MALRD1: variants seen among roughly 807,000 people sequenced by gnomAD.
MALRD1 encodes the protein MAM and LDL receptor class A domain containing 1.
Under a neutral mutation model 242.1 loss-of-function variants are expected in MALRD1, and 247 were observed. The ratio of observed to expected loss-of-function variants is 1.02; its 90% CI spans 0.92 to 1.13. The LOEUF (loss-of-function observed/expected upper bound fraction) is 1.13. MALRD1 is among the 50% of genes most tolerant of loss of function. MALRD1 has a pLI of 0.00. For synonymous variants in MALRD1, 995 were observed against 866.6 expected (o/e 1.15, Z -2.60); for missense variants, 2,989 against 2,533.1 (o/e 1.18, Z -3.86).
Position 19,209,377 on chromosome 10 carries a change from A to T in MALRD1, c.2688A>T (p.Thr896=), listed in dbSNP as rs1173484607. 1 of 1,550,900 alleles carries T rather than the reference A, an allele frequency of 6.4e-7. No individual in the cohort carries two copies. The highest frequency in any genetic ancestry group is 1.4e-5 in the African/African-American group (1 of 73,048). Residue 896 remains threonine (T), a synonymous_variant, in exon 18 of 40, where the codon ACA becomes ACT. Coordinates refer to ENST00000454679, the MANE Select transcript of MALRD1 (RefSeq NM_001142308.3). ...AGGGTCCAACTCCAACACTTAACAC[A>T]GGGCCAATGAAAGATAACACTCTGG... ...RSQGPTPTLN[T]GPMKDNTLGT... is the part of the protein sequence containing the mutation.
intron 26 of MALRD1, among the ~76,000 whole-genome samples, chr10:19,377,842 G>A (rs1327828413): frequency 6.6e-6 from 1 of 151,932 alleles, no homozygotes; most frequent in African/African-American, 2.4e-5. Context: ...TATAAATAAT[G>A]AAATATAATT....
At chr10:19,482,614 G>T (rs1837042836) in intron 29 of MALRD1, among the ~76,000 whole-genome samples, 1 of 148,948 alleles carries the variant, frequency 6.7e-6, no homozygotes, top group South Asian at 2.1e-4. Context: ...GGTTCAAGCT[G>T]AGACCTAAGT....
intron 28 of MALRD1, among the ~76,000 whole-genome samples, chr10:19,405,120 A>G (rs1355347652): frequency 6.6e-6 from 1 of 152,170 alleles, no homozygotes; most frequent in East Asian, 1.9e-4. Context: ...TGTTTTGCAT[A>G]TATACACGTT....
intron 18 of MALRD1, among the ~76,000 whole-genome samples, chr10:19,235,654 G>C (rs1170087613): frequency 3.4e-5 from 5 of 148,590 alleles, no homozygotes; most frequent in Non-Finnish European, 7.4e-5. Flanking sequence ...GGTCTAAACT[G>C]GGAACACTTT....
At chr10:19,283,308 G>C in intron 21 of MALRD1, 127 bp downstream of exon 21, 1 of 805,792 alleles carries the variant, frequency 1.2e-6, no homozygotes, top group Non-Finnish European at 1.7e-6. Flanking sequence ...TTGAAAAGGA[G>C]GCTGTTTTCT....
chr10:19,415,885 C>G (rs146176410), intron 28 of MALRD1, among the ~76,000 whole-genome samples: 2 of 152,130 alleles, frequency 1.3e-5, no homozygotes, highest in Non-Finnish European at 2.9e-5. Context: ...GTTGTTCACA[C>G]GTGAATTCCA....
At chr10:19,088,350 G>A (rs767893155) in intron 4 of MALRD1, among the ~76,000 whole-genome samples, 165 bp downstream of exon 4, 8 of 151,952 alleles carry the variant, frequency 5.3e-5, no homozygotes, top group Admixed American at 1.3e-4. Context: ...AATTTGGGAT[G>A]GCTAGTCACC....
At chr10:19,450,568 A>T (rs545374345) in intron 29 of MALRD1, 78 bp downstream of exon 29, 6 of 1,240,188 alleles carry the variant, frequency 4.8e-6, no homozygotes, top group Non-Finnish European at 5.6e-6. Context: ...CAAGTTTACA[A>T]TGCTTTACTG....
At position 19,330,347 on chromosome 10, in the gene MALRD1, GA is replaced by G. The variant is rs983862965; in HGVS notation, c.3688-1012del. Reference sequence around the variant, plus strand: ...GTATAAAGACTTACCGCATCTGAAGGAAAAAAAAAACTATAATTATTTCTTT... The same window carrying G: ...GTATAAAGACTTACCGCATCTGAAGGAAAAAAAAACTATAATTATTTCTTT... On this transcript the variant is annotated intron_variant, in intron 23 of 39. Coordinates refer to ENST00000454679, the MANE Select transcript of MALRD1 (RefSeq NM_001142308.3). 7.1e-3 allele frequency among the ~76,000 whole-genome samples: 1,039 copies of G among 145,560 alleles called. 3 individuals carry two copies. The highest frequency in any genetic ancestry group is 9.8e-3 in the Non-Finnish European group (645 of 65,932).
chr10:19,052,484 T>C (rs758632916), intron 1 of MALRD1, among the ~76,000 whole-genome samples: 6 of 152,180 alleles, frequency 3.9e-5, no homozygotes, highest in Non-Finnish European at 5.9e-5. Context: ...CCATCATAAC[T>C]GGTGGGGCAC....
intron 12 of MALRD1, among the ~76,000 whole-genome samples, chr10:19,162,259 C>G (rs919918626): frequency 6.6e-6 from 1 of 151,974 alleles, no homozygotes; most frequent in African/African-American, 2.4e-5. Context: ...ATTTTTTTGA[C>G]GTAGAATAGA....
intron 29 of MALRD1, among the ~76,000 whole-genome samples, chr10:19,455,173 T>C (rs1765643896): frequency 6.6e-6 from 1 of 152,162 alleles, no homozygotes; most frequent in South Asian, 2.1e-4. Flanking sequence ...GGTTTAAAAA[T>C]GGTTTGTACA....
chr10:19,432,050 A>G (rs1249233632), intron 28 of MALRD1, among the ~76,000 whole-genome samples: 1 of 152,182 alleles, frequency 6.6e-6, no homozygotes, highest in African/African-American at 2.4e-5. Flanking sequence ...AAAATCAGCC[A>G]TCAACCACTA....
intron 4 of MALRD1, among the ~76,000 whole-genome samples, chr10:19,098,237 C>T (rs893548406): frequency 7.2e-5 from 11 of 152,110 alleles, no homozygotes; most frequent in Admixed American, 5.9e-4. Flanking sequence ...ATAATTTTCA[C>T]GTTGAATGTC....
intron 33 of MALRD1, among the ~76,000 whole-genome samples, chr10:19,586,437 T>A (rs577390542): frequency 1.3e-5 from 2 of 152,174 alleles, no homozygotes; most frequent in Non-Finnish European, 2.9e-5. Flanking sequence ...TTAGTTTTCC[T>A]TCTAACGGAC....
chr10:19,183,968 G>T (rs10827034), intron 14 of MALRD1, among the ~76,000 whole-genome samples: 45,723 of 151,954 alleles, frequency 0.3, 7,200 homozygotes, highest in Admixed American at 0.37. Flanking sequence ...AATTATCTCT[G>T]ATTTTTATTT....
In MALRD1 at chr10:19,667,134, A is replaced by T. The variant is rs140185515; in HGVS notation, c.6138-25148A>T. 4.5e-4 allele frequency among the ~76,000 whole-genome samples: 69 copies of T among 152,136 alleles called. 2 individuals carry two copies. In the East Asian group the frequency reaches 0.012, roughly 26 times the overall value. On this transcript the variant is annotated intron_variant, in intron 36 of 39. Transcript: ENST00000454679. ...CCAGCACTGCCTCTCAATTAAGGAG[A>T]TTCATTCTCTAGAAAAATTGTGCCA...
intron 21 of MALRD1, among the ~76,000 whole-genome samples, chr10:19,311,844 C>T (rs1228939505): frequency 6.6e-6 from 1 of 151,454 alleles, no homozygotes; most frequent in Non-Finnish European, 1.5e-5. Context: ...TCACTGCTAG[C>T]ATTGCCTTAG....
intron 24 of MALRD1, among the ~76,000 whole-genome samples, chr10:19,335,342 C>T (rs1446284872): frequency 6.6e-6 from 1 of 151,874 alleles, no homozygotes; most frequent in Non-Finnish European, 1.5e-5. Flanking sequence ...CTGATTTTGG[C>T]GTTGGTTGCC....
Sources: allele counts gnomAD v4.1 joint callset (sites outside exome capture counted in the v4.1 genomes callset), GRCh38; gene constraint gnomAD v4.1.1; transcripts MANE v1.5; gene names NCBI Gene and HGNC (gene_info 2026-07-23, HGNC 2026-07-21).